ALS2: variants seen among roughly 807,000 people sequenced by gnomAD.
ALS2 encodes the protein alsin Rho guanine nucleotide exchange factor ALS2.
A neutral mutation model predicts 203.4 loss-of-function variants in ALS2; 117 were observed. The observed-to-expected ratio is 0.58, with a 90% CI of 0.50 to 0.67. The LOEUF (loss-of-function observed/expected upper bound fraction) is 0.67, where lower values mean the gene tolerates loss of function less well. Ranked by LOEUF, ALS2 falls within the 30% of genes least tolerant of loss-of-function variation. ALS2 has a pLI of 0.00. For missense variants in ALS2, 1,715 were observed against 1,989.4 expected, an observed-to-expected ratio of 0.86 and a Z score of 2.62; for synonymous variants, 718 against 725.9, an observed-to-expected ratio of 0.99 and a Z score of 0.17.
chr2:201,729,879 C>CAAAAAAAA (rs35065446), intron 13 of ALS2, among the ~76,000 whole-genome samples: 1 of 75,216 alleles, frequency 1.3e-5, no homozygotes, highest in Non-Finnish European at 2.4e-5. Context: ...GACTCCGTCT[C>CAAAAAAAA]AAAAAAAAAA....
intron 26 of ALS2, among the ~76,000 whole-genome samples, chr2:201,710,286 G>T (rs771114903): frequency 2.6e-5 from 4 of 152,104 alleles, no homozygotes. Flanking sequence ...TGGAAGTACT[G>T]ATATGGAATA....
chr2:201,755,513 T>C (rs554789247), intron 5 of ALS2, among the ~76,000 whole-genome samples: 2 of 152,322 alleles, frequency 1.3e-5, no homozygotes, highest in African/African-American at 4.8e-5. Context: ...TCCTCCTGCC[T>C]TGGCCTCCCA....
chr2:201,706,808 TA>T (rs1410190666), intron 29 of ALS2, 37 bp downstream of exon 29: 2 of 1,612,024 alleles, frequency 1.2e-6, no homozygotes, highest in East Asian at 2.2e-5. Context: ...CATTTTAAAT[TA>T]AAACCATTTG....
At chr2:201,707,077 C>T (rs1396761747) in intron 28 of ALS2, 55 bp from the exon 29 acceptor site, 8 of 1,517,516 alleles carry the variant, frequency 5.3e-6, no homozygotes, top group Non-Finnish European at 7.2e-6. Context: ...AAATTGAATA[C>T]AGAATCCAAG....
At chr2:201,727,381 A>G (rs1691252244) in intron 16 of ALS2, 103 bp from the exon 17 acceptor site, 1 of 1,020,234 alleles carries the variant, frequency 9.8e-7, no homozygotes, top group South Asian at 1.3e-5. Context: ...AGAGGAACAG[A>G]AATCAATTAA....
At chr2:201,752,666 T>G (rs1693136537) in intron 7 of ALS2, among the ~76,000 whole-genome samples, 1 of 152,164 alleles carries the variant, frequency 6.6e-6, no homozygotes, top group African/African-American at 2.4e-5. Context: ...ATGAGCAGTC[T>G]GGGTTTAAAA....
At chr2:201,740,314 T>C (rs1692190774) in intron 11 of ALS2, among the ~76,000 whole-genome samples, 1 of 152,170 alleles carries the variant, frequency 6.6e-6, no homozygotes. Flanking sequence ...AATAACTTTA[T>C]AATTATAAAA....
At chr2:201,725,616 C>G (rs1028819734) in intron 19 of ALS2, among the ~76,000 whole-genome samples, 162 bp from the exon 20 acceptor site, 1 of 152,186 alleles carries the variant, frequency 6.6e-6, no homozygotes, top group Non-Finnish European at 1.5e-5. Flanking sequence ...GAATCTATAA[C>G]CTAAGCTGTT....
rs373186268 is a variant in ALS2 at position 201,735,993 on chromosome 2, T to C, written c.2418-2555A>G. Among the ~76,000 whole-genome samples, 268 of 152,334 alleles carry C rather than the reference T, an allele frequency of 1.8e-3. 2 individuals carry two copies. Among genetic ancestry groups the C allele is most frequent in the African/African-American group, 6.3e-3 (264 of 41,586 alleles). On this transcript the variant is annotated intron_variant, in intron 12 of 33. Transcript: ENST00000264276. The stretch of plus-strand genomic sequence containing the variant: ...TGGCTACAGCCCCATTTTCTCCTAT[T>C]TTCTTTGGCTATGATTCAGCATTTC...
Position 201,713,110 on chromosome 2 carries a change from C to T in ALS2, c.4005-2002G>A, listed in dbSNP as rs1312600752. ...TATTTCTTCACAAAATGTTCCATCC[C>T]TCATTCTTTCTCCTTTTCTTTTCTT... is the stretch of plus-strand genomic sequence containing the variant. On this transcript the variant is annotated intron_variant, in intron 25 of 33. Transcript: ENST00000264276. 3.4e-5 allele frequency among the ~76,000 whole-genome samples: 5 copies of T among 147,328 alleles called. No individual in the cohort carries two copies. In the East Asian group the frequency reaches 1.0e-3, roughly 30 times the overall value.
chr2:201,767,272 C>A lies in ALS2; in HGVS notation c.132G>T (p.Leu44Phe), dbSNP rs1185315304. Residue 44 changes from leucine (L) to phenylalanine (F), a missense_variant, in exon 3 of 34, where the codon TTG becomes TTT. Transcript: ENST00000264276. Reference sequence around the variant, plus strand: ...CATGTTTCACTCCGAGGGCTGCCTGCAAAACAGTCTTTCCTCCCCAGCCTG... The same window carrying A: ...CATGTTTCACTCCGAGGGCTGCCTGAAAAACAGTCTTTCCTCCCCAGCCTG... ...RLPGWGGKTVLQAALGVKHGV... is the reference protein window; with the variant it reads ...RLPGWGGKTVFQAALGVKHGV... 1 of 1,614,086 alleles carries A rather than the reference C, an allele frequency of 6.2e-7. No individual in the cohort carries two copies. The highest frequency in any genetic ancestry group is 1.3e-5 in the African/African-American group (1 of 75,010).
In ALS2 at chr2:201,704,468, C is replaced by G; in HGVS notation, c.4824G>C (p.Val1608=). 6.2e-7 allele frequency: 1 copy of G among 1,614,038 alleles called. No individual in the cohort carries two copies. Among genetic ancestry groups the G allele is most frequent in the South Asian group, 1.1e-5 (1 of 91,068 alleles). ...AAAACAGTTACCTGGCCCGTAGCAC[C>G]ACATATAAGAAAACAGGAAACAAGT... ...MDDLFPVFLY[V]VLRARIRNLG... is the part of the protein sequence containing the mutation. The change falls in exon 32 of 34, where the codon GTG becomes GTC. Residue 1608 remains valine (V), a synonymous_variant. Coordinates refer to ENST00000264276, the MANE Select transcript of ALS2 (RefSeq NM_020919.4).
rs544877098 is a variant in ALS2, at chr2:201,746,730, C to A, written c.1834G>T (p.Val612Phe). 1 of 1,614,174 alleles carries A rather than the reference C, an allele frequency of 6.2e-7. No homozygotes were observed. Among genetic ancestry groups the A allele is most frequent in the Non-Finnish European group, 8.5e-7 (1 of 1,180,038 alleles). Residue 612 changes from valine (V) to phenylalanine (F), a missense_variant, in exon 9 of 34, where the codon GTC becomes TTC. Val to Phe is a conservative substitution (Grantham distance 50). Around this residue, in one of 3 missense-constraint regions of ALS2, gnomAD observed 1,227 missense variants for 1,413.5 expected, o/e 0.87. Coordinates refer to ENST00000264276, the MANE Select transcript of ALS2 (RefSeq NM_020919.4). ...RLAKISSENG[V>F]WSIAAGRDYS... ...TCCCTGCCTGCAGCTATGCTCCAGACTCCATTTTCACTGCTTATCTGCAAC... is the reference window on the plus strand; with the variant it reads ...TCCCTGCCTGCAGCTATGCTCCAGAATCCATTTTCACTGCTTATCTGCAAC...
intron 25 of ALS2, among the ~76,000 whole-genome samples, 180 bp from the exon 26 acceptor site, chr2:201,711,288 T>C (rs1160355008): frequency 6.6e-6 from 1 of 152,206 alleles, no homozygotes; most frequent in Non-Finnish European, 1.5e-5. Flanking sequence ...TTACATAACA[T>C]TCATTCAAAA....
rs1559052253 is a variant in ALS2, at chr2:201,728,510, A to G, written c.2841+2T>C. On this transcript the variant is annotated splice_donor_variant, in intron 15 of 33. Coordinates refer to ENST00000264276, the MANE Select transcript of ALS2 (RefSeq NM_020919.4). LOFTEE classifies it high-confidence loss of function. ...TCTTTTAAGGTTAGGAATCCAGCCT[A>G]CCTGGGCATGGACCAGGGCATCATT... The G allele has an allele frequency of 6.2e-7, 1 of 1,614,104 alleles. No individual in the cohort carries two copies. Among genetic ancestry groups the G allele is most frequent in the Non-Finnish European group, 8.5e-7 (1 of 1,180,012 alleles).
chr2:201,748,648 A>G (rs1692825722), intron 8 of ALS2, among the ~76,000 whole-genome samples: 1 of 103,670 alleles, frequency 9.6e-6, no homozygotes. Context: ...GATTTGCAAT[A>G]TCTTTGTTTG....
chr2:201,704,333 G>A, intron 32 of ALS2, 115 bp from the exon 33 acceptor site: 1 of 1,485,204 alleles, frequency 6.7e-7, no homozygotes, highest in South Asian at 1.1e-5. Flanking sequence ...ATGTCACAGT[G>A]GAATGGGTTA....
intron 4 of ALS2, chr2:201,759,320 A>T: frequency 1.2e-6 from 1 of 854,770 alleles, no homozygotes; most frequent in East Asian, 1.2e-4. Flanking sequence ...TTATTTCCCA[A>T]GTGAGAGAGT....
intron 15 of ALS2, 132 bp downstream of exon 15, chr2:201,728,380 A>G: frequency 7.6e-7 from 1 of 1,312,058 alleles, no homozygotes. Context: ...TTTGCTGAGA[A>G]TGATGGCTAG....
Sources: allele counts gnomAD v4.1 joint callset (sites outside exome capture counted in the v4.1 genomes callset), GRCh38; gene constraint gnomAD v4.1.1; regional missense constraint gnomAD v4.1.1; transcripts MANE v1.5; gene names NCBI Gene and HGNC (gene_info 2026-07-23, HGNC 2026-07-21).